The following FRMD1 variants were observed in gnomAD, a reference collection of about 807,000 sequenced individuals.
FRMD1 encodes the protein FERM domain-containing protein 1.
In FRMD1, 51 loss-of-function variants were observed where a neutral mutation model predicts 54.9. The ratio of observed to expected loss-of-function variants is 0.93; its 90% CI spans 0.74 to 1.17. The LOEUF is 1.17. Ranked by LOEUF, FRMD1 falls within the 50% of genes most tolerant of loss-of-function variation. The probability of loss-of-function intolerance (pLI) is 0.00; values close to 1 mark genes in which losing one functional copy is unlikely to be tolerated. For missense variants in FRMD1, 729 were observed against 743.0 expected (o/e 0.98, Z 0.22); for synonymous variants, 324 against 306.4 (o/e 1.06, Z -0.60).
intron 1 of FRMD1, among the ~76,000 whole-genome samples, chr6:168,090,580 A>G (rs1400784454): frequency 6.6e-6 from 1 of 152,148 alleles, no homozygotes; most frequent in Non-Finnish European, 1.5e-5. Context: ...CTGCATGTTC[A>G]TGGCTGCATA....
intron 2 of FRMD1, among the ~76,000 whole-genome samples, chr6:168,068,806 C>G (rs970103469): frequency 1.3e-5 from 2 of 152,236 alleles, no homozygotes; most frequent in African/African-American, 4.8e-5. Context: ...TCCCCAAGTG[C>G]TAGCACATCT....
chr6:168,082,011 G>A (rs938094766), upstream of FRMD1: 1 of 154,082 alleles, frequency 6.5e-6, no homozygotes, highest in Admixed American at 6.4e-5. Flanking sequence ...TGCGCCATAG[G>A]TCAACCCATT....
Position 168,061,867 on chromosome 6 carries a change from G to T in FRMD1, c.985C>A (p.Gln329Lys). Residue 329 changes from glutamine (Q) to lysine (K), a missense_variant, in exon 8 of 11, where the codon CAG (glutamine) becomes AAG (lysine). Gln to Lys is a moderately conservative substitution (Grantham distance 53, BLOSUM62 1). Coordinates refer to ENST00000283309, the MANE Select transcript of FRMD1 (RefSeq NM_024919.6). ...GTGGGCCGCACGCGGAGGTGGAGCT[G>T]GTGGCTGGCGCGCAGCAGGTGCAGC... ...HLLHLLRASH[Q>K]LHLRVRPTLQ... 1.3e-6 allele frequency: 2 copies of T among 1,583,826 alleles called. No individual in the cohort carries two copies. Among genetic ancestry groups the T allele is most frequent in the South Asian group, 2.3e-5 (2 of 86,728 alleles).
chr6:168,091,859 G>A (rs570588841), intron 1 of FRMD1, among the ~76,000 whole-genome samples: 1 of 152,134 alleles, frequency 6.6e-6, no homozygotes, highest in Admixed American at 6.5e-5. Flanking sequence ...CACTACAACG[G>A]GCCCAGCCAT....
chr6:168,091,217 C>T (rs542180385), intron 1 of FRMD1, among the ~76,000 whole-genome samples: 1 of 152,206 alleles, frequency 6.6e-6, no homozygotes, highest in Non-Finnish European at 1.5e-5. Context: ...AATAAAAGGC[C>T]AAGGAGCCCC....
rs752933647 is a variant in FRMD1 at position 168,062,647 on chromosome 6, C to T, written c.870+247G>A. On this transcript the variant is annotated intron_variant, in intron 7 of 10. Transcript: ENST00000283309. ...CTGCATCTGCCCAGGCTTTCCAGGG[C>T]ACGGGGACCCCCCAGACACCCACCA... 142 of 1,548,798 alleles carry T rather than the reference C, an allele frequency of 9.2e-5. 1 individual carries two copies. Among genetic ancestry groups the T allele is most frequent in the Middle Eastern group, 5.0e-4 (3 of 6,002 alleles).
rs941432966 is a variant in FRMD1, at chr6:168,089,733, G to A, written c.-11-10709C>T. Among the ~76,000 whole-genome samples, 6 of 152,316 alleles carry A rather than the reference G, an allele frequency of 3.9e-5. No individual in the cohort carries two copies. The South Asian group carries it at 1.2e-3, about 32-fold the overall frequency. ...GGGGAGCGGAAAATCGAAGGCGGAC[G>A]GGCACAGCAACTCTGTTTTACACAG... On this transcript the variant is annotated intron_variant, in intron 1 of 12. Coordinates refer to the FRMD1 transcript ENST00000644440.
At position 168,078,958 on chromosome 6, in the gene FRMD1, A is replaced by C; in HGVS notation, c.137T>G (p.Met46Arg). The C allele has an allele frequency of 6.2e-7, 1 of 1,611,348 alleles. No individual in the cohort carries two copies. The highest frequency in any genetic ancestry group is 8.5e-7 in the Non-Finnish European group (1 of 1,179,854). ...CCTGTGTTCCGAGGCCATCGCGTCCATTCCCAGGGTCGGCTCCTGCTGACT... is the reference window on the plus strand; with the variant it reads ...CCTGTGTTCCGAGGCCATCGCGTCCCTTCCCAGGGTCGGCTCCTGCTGACT... ...ACSQQEPTLG[M>R]DAMASEHRDV... Residue 46 changes from methionine (M) to arginine (R), a missense_variant, in exon 1 of 11, where the codon ATG becomes AGG. Transcript: ENST00000283309.
chr6:168,057,515 G>C (rs1369848848), intron 10 of FRMD1, 176 bp from the exon 11 acceptor site: 1 of 846,366 alleles, frequency 1.2e-6, no homozygotes, highest in Non-Finnish European at 1.8e-6. Context: ...CTCTGCGAGA[G>C]AGGCTTGGCA....
intron 1 of FRMD1, among the ~76,000 whole-genome samples, chr6:168,089,888 G>A (rs9364220): frequency 0.31 from 46,942 of 152,064 alleles, 7,975 homozygotes; most frequent in South Asian, 0.54. Flanking sequence ...CACGAATCCC[G>A]CTGGCGCTGG....
chr6:168,074,193 T>C (rs1277740230), intron 2 of FRMD1, among the ~76,000 whole-genome samples: 1 of 152,150 alleles, frequency 6.6e-6, no homozygotes, highest in Non-Finnish European at 1.5e-5. Context: ...ACAATCCAGC[T>C]GCAGGGTCTG....
chr6:168,061,120 A>AG (rs1799708349), intron 8 of FRMD1, 63 bp from the exon 9 acceptor site: 2 of 1,512,268 alleles, frequency 1.3e-6, no homozygotes, highest in Non-Finnish European at 1.8e-6. Context: ...CTGATGCAGG[A>AG]GGAAGAGCCC....
At chr6:168,074,952 T>C (rs568694830) in intron 2 of FRMD1, among the ~76,000 whole-genome samples, 238 of 151,502 alleles carry the variant, frequency 1.6e-3, no homozygotes, top group Non-Finnish European at 3.0e-3. Flanking sequence ...TGCACGTGTG[T>C]GGCGTGTGCA....
At chr6:168,089,967 A>G (rs991744607) in intron 1 of FRMD1, among the ~76,000 whole-genome samples, 2 of 152,184 alleles carry the variant, frequency 1.3e-5, no homozygotes, top group Non-Finnish European at 2.9e-5. Flanking sequence ...GCAGCTGCTC[A>G]GCACTCGCAG....
chr6:168,083,665 G>A (rs759813791), upstream of FRMD1, among the ~76,000 whole-genome samples: 8 of 152,194 alleles, frequency 5.3e-5, no homozygotes, highest in Non-Finnish European at 1.0e-4. Context: ...TTGGGAGACA[G>A]GGTGGCCAGT....
intron 2 of FRMD1, among the ~76,000 whole-genome samples, chr6:168,072,640 C>T (rs1421503409): frequency 6.6e-6 from 1 of 152,236 alleles, no homozygotes; most frequent in Non-Finnish European, 1.5e-5. Context: ...ACAACCAAAG[C>T]GATGGGTCCT....
intron 2 of FRMD1, 141 bp downstream of exon 2, chr6:168,075,104 G>C: frequency 1.4e-6 from 1 of 705,464 alleles, no homozygotes. Context: ...ACTGTGCATT[G>C]TGCATGGTGT....
chr6:168,080,708 G>A (rs1413605920), upstream of FRMD1, among the ~76,000 whole-genome samples: 1 of 152,214 alleles, frequency 6.6e-6, no homozygotes, highest in African/African-American at 2.4e-5. Context: ...GGGGACAACA[G>A]GCACCAGGAC....
At chr6:168,091,771 C>A (rs903584195) in intron 1 of FRMD1, among the ~76,000 whole-genome samples, 4 of 152,246 alleles carry the variant, frequency 2.6e-5, no homozygotes, top group Admixed American at 2.6e-4. Context: ...TGGGATGCTA[C>A]TCCGCGGAAG....
Sources: allele counts gnomAD v4.1 joint callset (sites outside exome capture counted in the v4.1 genomes callset), GRCh38; gene constraint gnomAD v4.1.1; transcripts MANE v1.5; gene names NCBI Gene and HGNC (gene_info 2026-07-23, HGNC 2026-07-21).